CCDC77: variants seen among roughly 807,000 people sequenced by gnomAD.
CCDC77 encodes coiled-coil domain-containing protein 77.
In CCDC77, 56 loss-of-function variants were observed where a neutral mutation model predicts 66.8. That is an observed-to-expected ratio of 0.84 (90% CI 0.68 to 1.05). CCDC77 has a LOEUF of 1.05. Among genes scored for constraint, CCDC77 ranks in the 50% least tolerant of loss-of-function variants. The pLI, the probability that CCDC77 is intolerant of heterozygous loss-of-function variation, is 0.00. For synonymous variants in CCDC77, 196 were observed against 195.2 expected, an observed-to-expected ratio of 1.00 and a Z score of -0.03; for missense variants, 570 against 576.8, an observed-to-expected ratio of 0.99 and a Z score of 0.12.
intron 4 of CCDC77, among the ~76,000 whole-genome samples, chr12:415,380 AATATT>A (rs1945218088): frequency 1.8e-5 from 2 of 109,234 alleles, no homozygotes; most frequent in Non-Finnish European, 3.8e-5. Flanking sequence ...TAATCAACAT[AATATT>A]ATGTTAATAT....
rs796489121 is a variant in CCDC77, at chr12:415,346, A to T, written c.271-3148A>T. Reference sequence around the variant, plus strand: ...AATCAACATAATATTATGTTAATATAATCAACATAATATTATGTTAATATA... The same window carrying T: ...AATCAACATAATATTATGTTAATATTATCAACATAATATTATGTTAATATA... On this transcript the variant is annotated intron_variant, in intron 4 of 12. Coordinates refer to ENST00000239830, the MANE Select transcript of CCDC77 (RefSeq NM_032358.4). Among the ~76,000 whole-genome samples the T allele has an allele frequency of 1.3e-3, 110 of 86,814 alleles. 14 individuals carry two copies. The highest frequency in any genetic ancestry group is 0.01 in the East Asian group (15 of 1,490). The allele number at this position is 86,814 out of a possible 152,430, so 57.0% of individuals were successfully genotyped here. A position where few individuals can be genotyped will look rare whatever the true frequency, so the allele number is the denominator to read the frequency against.
chr12:416,364 T>G (rs1306359232), intron 4 of CCDC77, among the ~76,000 whole-genome samples: 1 of 35,312 alleles, frequency 2.8e-5, no homozygotes, highest in Non-Finnish European at 6.1e-5. Flanking sequence ...TGTGTGTGTG[T>G]GTGTGTGTGT....
intron 6 of CCDC77, among the ~76,000 whole-genome samples, chr12:429,089 C>T (rs1591987472): frequency 6.6e-6 from 1 of 152,282 alleles, no homozygotes; most frequent in South Asian, 2.1e-4. Context: ...AGAGGGGTGG[C>T]TGTTTTAGCT....
intron 5 of CCDC77, among the ~76,000 whole-genome samples, chr12:427,776 A>G (rs1055483656): frequency 6.6e-6 from 1 of 152,106 alleles, no homozygotes; most frequent in African/African-American, 2.4e-5. Flanking sequence ...CCCGGCCCGA[A>G]ATCCCTTTTT....
At chr12:409,506 G>A (rs1945065308) in intron 3 of CCDC77, 85 bp downstream of exon 3, 10 of 1,281,622 alleles carry the variant, frequency 7.8e-6, no homozygotes, top group Non-Finnish European at 1.0e-5. Context: ...AAAGGTATTG[G>A]AAACATATTT....
At chr12:423,479 G>GTTTTT (rs1289177296) in intron 5 of CCDC77, among the ~76,000 whole-genome samples, 7 of 21,232 alleles carry the variant, frequency 3.3e-4, no homozygotes, top group African/African-American at 8.1e-4. Context: ...TGTTTTTTGT[G>GTTTTT]TTTTTTTTTG....
chr12:435,888 A>G (rs1257719428), intron 9 of CCDC77, among the ~76,000 whole-genome samples: 1 of 151,960 alleles, frequency 6.6e-6, no homozygotes, highest in Non-Finnish European at 1.5e-5. Flanking sequence ...ACAGGTGCAT[A>G]CCACCAAACC....
At chr12:394,247 C>G (rs888770762) in intron 1 of CCDC77, among the ~76,000 whole-genome samples, 1 of 152,162 alleles carries the variant, frequency 6.6e-6, no homozygotes. Context: ...ATTATTTCCT[C>G]GAGAAAACCC....
chr12:409,313 T>C (rs1945061007), intron 2 of CCDC77, 55 bp from the exon 3 acceptor site: 4 of 1,262,834 alleles, frequency 3.2e-6, no homozygotes, highest in African/African-American at 3.0e-5. Context: ...AATCCTGTAC[T>C]GTTTTTATTT....
intron 8 of CCDC77, among the ~76,000 whole-genome samples, chr12:432,211 A>T (rs1286081796): frequency 2.0e-5 from 3 of 152,242 alleles, no homozygotes; most frequent in African/African-American, 7.2e-5. Flanking sequence ...CAAAACCATT[A>T]CAAGGTAAGA....
intron 4 of CCDC77, among the ~76,000 whole-genome samples, chr12:417,420 C>T (rs1030715770): frequency 5.3e-5 from 8 of 152,138 alleles, no homozygotes; most frequent in African/African-American, 1.9e-4. Context: ...ATTTCCCAAA[C>T]AGATCTCAGA....
chr12:439,961 C>T (rs1945830196), intron 10 of CCDC77, among the ~76,000 whole-genome samples: 1 of 152,052 alleles, frequency 6.6e-6, no homozygotes, highest in African/African-American at 2.4e-5. Context: ...GCTTGCCATA[C>T]AGACCTTGAG....
intron 4 of CCDC77, among the ~76,000 whole-genome samples, chr12:414,719 C>G (rs1268079417): frequency 6.6e-6 from 1 of 152,116 alleles, no homozygotes; most frequent in Non-Finnish European, 1.5e-5. Context: ...GCATCATTGC[C>G]TACGGTTCTT....
At chr12:417,710 T>C (rs769906351) in intron 4 of CCDC77, among the ~76,000 whole-genome samples, 1 of 149,800 alleles carries the variant, frequency 6.7e-6, no homozygotes, top group East Asian at 2.0e-4. Context: ...AGCTCAGGAG[T>C]TCAAGCCAGC....
exon 1 of CCDC77, chr12:389,484 T>G: frequency 2.7e-6 from 1 of 373,140 alleles, no homozygotes; most frequent in Non-Finnish European, 5.0e-6. Flanking sequence ...CAGCTCGCCC[T>G]TGGTAAGGGG....
upstream of CCDC77, among the ~76,000 whole-genome samples, chr12:401,376 A>T (rs1414661272): frequency 6.6e-6 from 1 of 152,190 alleles, no homozygotes; most frequent in Non-Finnish European, 1.5e-5. Context: ...GTGCGTTCTG[A>T]CCCCAAACGT....
At chr12:397,882 G>A (rs1174877902), upstream of CCDC77, among the ~76,000 whole-genome samples, 5 of 152,080 alleles carry the variant, frequency 3.3e-5, no homozygotes, top group African/African-American at 4.8e-5. Context: ...TCCTGACCTC[G>A]TGATCCGCCC....
intron 4 of CCDC77, among the ~76,000 whole-genome samples, chr12:416,892 G>A (rs1321490641): frequency 1.3e-5 from 1 of 77,706 alleles, no homozygotes; most frequent in Non-Finnish European, 2.6e-5. Context: ...CGGATCACCT[G>A]GGGTCAGGAG....
chr12:401,317 C>T (rs1466430357), upstream of CCDC77, among the ~76,000 whole-genome samples: 2 of 152,186 alleles, frequency 1.3e-5, no homozygotes, highest in African/African-American at 4.8e-5. Flanking sequence ...ACGCGAAGTA[C>T]CTGAGCTCAA....
Sources: gnomAD v4.1 joint callset for allele counts (sites outside exome capture counted in the v4.1 genomes callset) on GRCh38, gnomAD v4.1.1 for gene constraint, MANE v1.5 for transcripts, NCBI Gene and HGNC (gene_info 2026-07-23, HGNC 2026-07-21) for gene names.